DDI2: variants seen among roughly 807,000 people sequenced by gnomAD.
DDI2 encodes the protein DDI proteasomal shuttling factor 2.
DDI2 carries 5 observed loss-of-function variants against 48.1 expected under a neutral mutation model. The observed-to-expected ratio is 0.10, with a 90% CI of 0.05 to 0.22. The LOEUF is 0.22. Ranked by LOEUF, DDI2 falls within the 10% of genes least tolerant of loss-of-function variation. The pLI is 1.00. For synonymous variants in DDI2, 205 were observed against 183.6 expected (o/e 1.12, Z -0.94); for missense variants, 285 against 506.2 (o/e 0.56, Z 4.19).
rs544901240 is a variant in DDI2 at position 15,661,703 on chromosome 1, A to G, written c.*1913A>G. On this transcript the variant is annotated 3_prime_UTR_variant, in exon 10 of 10. Transcript: ENST00000480945. ...GCACTTCTTGTTTTGCTCGCAAAAA[A>G]CATCGTAGTTCCTACATGACTGTGG... is the stretch of plus-strand genomic sequence containing the variant. 216 of 1,611,700 alleles carry G rather than the reference A, an allele frequency of 1.3e-4. 2 individuals are homozygous for G. The South Asian group carries it at 2.2e-3, about 16-fold the overall frequency.
chr1:15,651,032 T>C (rs1172722932), intron 7 of DDI2, among the ~76,000 whole-genome samples: 1 of 151,364 alleles, frequency 6.6e-6, no homozygotes. Flanking sequence ...TTTTTGTATT[T>C]GTAGTAGAGA....
intron 9 of DDI2, 80 bp from the exon 10 acceptor site, chr1:15,659,757 T>C: frequency 1.4e-6 from 2 of 1,411,976 alleles, no homozygotes; most frequent in Non-Finnish European, 1.9e-6. Flanking sequence ...CTACGCTGTT[T>C]AGATTTGTAT....
At chr1:15,659,565 C>T (rs1160474329) in intron 9 of DDI2, among the ~76,000 whole-genome samples, 3 of 152,140 alleles carry the variant, frequency 2.0e-5, no homozygotes, top group Admixed American at 1.3e-4. Flanking sequence ...GCACTAACCC[C>T]GCCATTATGT....
chr1:15,620,494 ACTC>A (rs1484956436), intron 1 of DDI2, among the ~76,000 whole-genome samples: 2 of 150,652 alleles, frequency 1.3e-5, no homozygotes, highest in African/African-American at 4.9e-5. Flanking sequence ...AGACTGTTTA[ACTC>A]CTCCTCTTGT....
In DDI2 at chr1:15,661,285, G is replaced by A; in HGVS notation, c.*1495G>A. The A allele has an allele frequency of 6.2e-7, 1 of 1,614,132 alleles. No individual in the cohort carries two copies. ...GGAATCCATAAATAAGAACCGTTCT[G>A]TCACTGTAACCTCAGCTAAAACATC... is the stretch of plus-strand genomic sequence containing the variant. On this transcript the variant is annotated 3_prime_UTR_variant, in exon 10 of 10. Coordinates refer to ENST00000480945, the MANE Select transcript of DDI2 (RefSeq NM_032341.5).
Position 15,649,972 on chromosome 1 carries a change from A to G in DDI2, c.993+149A>G, listed in dbSNP as rs1379495382. 1.3e-5 allele frequency: 9 copies of G among 701,536 alleles called. No individual in the cohort carries two copies. In the Admixed American group the frequency reaches 1.8e-4, roughly 14 times the overall value. 43.5% of individuals were successfully genotyped at this position (701,536 alleles called of 1,614,324 possible). A position where few individuals can be genotyped will look rare whatever the true frequency, so the allele number is the denominator to read the frequency against. Reference sequence around the variant, plus strand: ...GTCCTTAAATTATGTTGCTATACAGAGGTTGAAATGATGTGTCGATATAGA... The same window carrying G: ...GTCCTTAAATTATGTTGCTATACAGGGGTTGAAATGATGTGTCGATATAGA... On this transcript the variant is annotated intron_variant, in intron 7 of 9. Transcript: ENST00000480945.
chr1:15,664,245 C>G lies in DDI2; in HGVS notation c.*4455C>G, dbSNP rs1470319092. ...TATAAAAATAAAGCTGTTTGTCCAA[C>G]ACGGTGAAACCTCATCTCTACTAAA... On this transcript the variant is annotated 3_prime_UTR_variant, in exon 10 of 10. Coordinates refer to ENST00000480945, the MANE Select transcript of DDI2 (RefSeq NM_032341.5). 6.6e-6 allele frequency: 1 copy of G among 152,076 alleles called. No homozygotes were observed. The highest frequency in any genetic ancestry group is 1.5e-5 in the Non-Finnish European group (1 of 68,026). 9.4% of individuals were successfully genotyped at this position (152,076 alleles called of 1,614,324 possible).
chr1:15,633,043 C>T (rs1570972519), intron 3 of DDI2, among the ~76,000 whole-genome samples: 1 of 151,348 alleles, frequency 6.6e-6, no homozygotes. Context: ...CACCCTTGAA[C>T]CCCCATCCAA....
At chr1:15,623,158 T>C (rs2103460771) in intron 1 of DDI2, among the ~76,000 whole-genome samples, 1 of 152,062 alleles carries the variant, frequency 6.6e-6, no homozygotes, top group East Asian at 1.9e-4. Flanking sequence ...GGGCAGTTGG[T>C]GGTGTTTCTT....
Position 15,661,628 on chromosome 1 carries a change from T to C in DDI2, c.*1838T>C, listed in dbSNP as rs867482991. On this transcript the variant is annotated 3_prime_UTR_variant, in exon 10 of 10. Transcript: ENST00000480945. ...CGCATTCTCCGTGCTGGCTTTACTT[T>C]GCAGGAAGCTCTTGGAGCTTTGCAT... 2 of 1,614,098 alleles carry C rather than the reference T, an allele frequency of 1.2e-6. No individual in the cohort carries two copies. Among genetic ancestry groups the C allele is most frequent in the African/African-American group, 2.7e-5 (2 of 74,940 alleles).
At chr1:15,637,491 C>T (rs904193027) in intron 4 of DDI2, among the ~76,000 whole-genome samples, 1 of 152,080 alleles carries the variant, frequency 6.6e-6, no homozygotes, top group Non-Finnish European at 1.5e-5. Context: ...CCTCAGCCTC[C>T]TGAGTAGCTG....
At chr1:15,631,291 T>C (rs1639840348) in intron 3 of DDI2, among the ~76,000 whole-genome samples, 1 of 152,216 alleles carries the variant, frequency 6.6e-6, no homozygotes, top group Non-Finnish European at 1.5e-5. Context: ...ATTTTTTGTA[T>C]TTTTTGTAGA....
At chr1:15,633,902 A>G (rs895682512) in intron 4 of DDI2, 3 of 442,074 alleles carry the variant, frequency 6.8e-6, no homozygotes, top group Non-Finnish European at 1.3e-5. Context: ...GGCTGGTTGC[A>G]TATTACATGG....
At chr1:15,626,554 C>T in intron 1 of DDI2, 115 bp from the exon 2 acceptor site, 13 of 1,439,330 alleles carry the variant, frequency 9.0e-6, no homozygotes, top group Non-Finnish European at 1.2e-5. Flanking sequence ...GGTGGGAATC[C>T]ACTGGAGGGT....
intron 2 of DDI2, among the ~76,000 whole-genome samples, chr1:15,628,875 G>C (rs533823723): frequency 6.6e-6 from 1 of 152,010 alleles, no homozygotes; most frequent in Non-Finnish European, 1.5e-5. Flanking sequence ...CCTAGTCTCC[G>C]CAGCCTAGAC....
intron 9 of DDI2, chr1:15,656,899 C>A (rs1640282089): frequency 1.9e-6 from 1 of 513,812 alleles, no homozygotes; most frequent in African/African-American, 2.0e-5. Flanking sequence ...AACCATCCAA[C>A]AGGGAGAAAA....
At chr1:15,658,496 C>A (rs1378265828) in intron 9 of DDI2, among the ~76,000 whole-genome samples, 1 of 151,252 alleles carries the variant, frequency 6.6e-6, no homozygotes, top group Non-Finnish European at 1.5e-5. Context: ...GGTGCGGTGG[C>A]TCTTGCCTGT....
intron 5 of DDI2, among the ~76,000 whole-genome samples, chr1:15,642,249 G>A (rs1380073246): frequency 6.6e-6 from 1 of 152,198 alleles, no homozygotes; most frequent in Non-Finnish European, 1.5e-5. Flanking sequence ...GATTACAGAA[G>A]CGACTGTCTT....
chr1:15,661,726 T>G lies in DDI2; in HGVS notation c.*1936T>G, dbSNP rs762758874. The G allele has an allele frequency of 7.5e-6, 12 of 1,600,778 alleles. No homozygotes were observed. The East Asian group carries it at 2.7e-4, about 36-fold the overall frequency. ...AAACATCGTAGTTCCTACATGACTG[T>G]GGGAAAGTGGGCTAGACCGTTCTCC... On this transcript the variant is annotated 3_prime_UTR_variant, in exon 10 of 10. Transcript: ENST00000480945.
Sources: allele counts gnomAD v4.1 joint callset (sites outside exome capture counted in the v4.1 genomes callset), GRCh38; gene constraint gnomAD v4.1.1; transcripts MANE v1.5; gene names NCBI Gene and HGNC (gene_info 2026-07-23, HGNC 2026-07-21).